MZT1: variants seen among roughly 807,000 people sequenced by gnomAD.
The protein encoded by MZT1 is mitotic-spindle organizing protein 1.
Under a neutral mutation model 8.5 loss-of-function variants are expected in MZT1, and 8 were observed. The ratio of observed to expected loss-of-function variants is 0.94; its 90% CI spans 0.55 to 1.70. MZT1 has a LOEUF of 1.70. Among genes scored for constraint, MZT1 ranks in the 40% most tolerant of loss-of-function variants. MZT1 has a pLI of 0.00. For synonymous variants in MZT1, 38 were observed against 42.0 expected, an observed-to-expected ratio of 0.90 and a Z score of 0.37; for missense variants, 93 against 108.6, an observed-to-expected ratio of 0.86 and a Z score of 0.64.
chr13:72,720,187 C>G (rs558472844), intron 1 of MZT1, among the ~76,000 whole-genome samples: 1 of 152,166 alleles, frequency 6.6e-6, no homozygotes, highest in Non-Finnish European at 1.5e-5. Flanking sequence ...ATTGAATGAC[C>G]TAAGTTTTCC....
At chr13:72,714,497 G>C (rs1442752405) in intron 2 of MZT1, among the ~76,000 whole-genome samples, 1 of 152,296 alleles carries the variant, frequency 6.6e-6, no homozygotes, top group Middle Eastern at 3.4e-3. Context: ...GGCAAGTGCT[G>C]ATAGCCAAGA....
intron 1 of MZT1, among the ~76,000 whole-genome samples, chr13:72,720,849 T>C (rs1157161622): frequency 2.0e-5 from 3 of 151,918 alleles, no homozygotes; most frequent in African/African-American, 7.3e-5. Context: ...GATTGCGCCA[T>C]TGCACTCCAG....
intron 1 of MZT1, among the ~76,000 whole-genome samples, chr13:72,720,845 G>A (rs9543100): frequency 0.1 from 15,798 of 152,066 alleles, 1,097 homozygotes; most frequent in Non-Finnish European, 0.16. Context: ...CCGAGATTGC[G>A]CCATTGCACT....
chr13:72,718,509 T>C (rs2032559747), intron 2 of MZT1, among the ~76,000 whole-genome samples: 1 of 151,618 alleles, frequency 6.6e-6, no homozygotes, highest in African/African-American at 2.4e-5. Flanking sequence ...GGAGTCTCAC[T>C]CTGTCACCCA....
intron 2 of MZT1, among the ~76,000 whole-genome samples, chr13:72,711,469 A>AT (rs1221493831): frequency 6.6e-6 from 1 of 152,178 alleles, no homozygotes; most frequent in East Asian, 1.9e-4. Flanking sequence ...TTCACAAAAA[A>AT]TAGTTACTGT....
chr13:72,724,750 A>ATGTGTGTG (rs199571360), intron 1 of MZT1, among the ~76,000 whole-genome samples: 1,369 of 36,802 alleles, frequency 0.037, 257 homozygotes, highest in Non-Finnish European at 0.061. Flanking sequence ...ACACATATAT[A>ATGTGTGTG]TATGTAAAGT....
chr13:72,712,359 G>C (rs911030358), intron 2 of MZT1, among the ~76,000 whole-genome samples: 1 of 152,196 alleles, frequency 6.6e-6, no homozygotes, highest in African/African-American at 2.4e-5. Flanking sequence ...TCACTATGTT[G>C]CCCAAGGCAG....
intron 2 of MZT1, among the ~76,000 whole-genome samples, chr13:72,717,349 T>C (rs1033267070): frequency 2.6e-5 from 4 of 151,500 alleles, no homozygotes; most frequent in South Asian, 2.1e-4. Context: ...TTTTTTTTTT[T>C]TTTTTTTTAG....
chr13:72,719,041 T>C lies in MZT1; in HGVS notation c.136A>G (p.Ile46Val), dbSNP rs553478389. The stretch of plus-strand genomic sequence containing the variant: ...CCTTGTTCACAAAGCCGTACACAAA[T>C]AGACAGAGTTTCCATATCTAAGCCA... Reference protein sequence around the residue: ...NTGLDMETLSICVRLCEQGIN... With the variant: ...NTGLDMETLSVCVRLCEQGIN... The change falls in exon 2 of 3, where the codon ATT becomes GTT. Residue 46 changes from isoleucine to valine, a missense_variant. Physicochemically the swap from Ile to Val is conservative, Grantham distance 29. Coordinates refer to ENST00000377818, the MANE Select transcript of MZT1 (RefSeq NM_001071775.3). 4.4e-6 allele frequency: 7 copies of C among 1,584,624 alleles called. No homozygotes were observed. The African/African-American group carries it at 6.9e-5, about 16-fold the overall frequency.
At chr13:72,724,934 C>A (rs1354607239) in intron 1 of MZT1, among the ~76,000 whole-genome samples, 1 of 148,570 alleles carries the variant, frequency 6.7e-6, no homozygotes. Context: ...CGCCTATAAT[C>A]CTAGTTACTC....
chr13:72,717,985 A>T (rs866727282), intron 2 of MZT1, among the ~76,000 whole-genome samples: 5 of 152,158 alleles, frequency 3.3e-5, no homozygotes, highest in African/African-American at 1.2e-4. Context: ...GCAACACCCC[A>T]CTTCCCAGTA....
chr13:72,710,643 C>T (rs2032480060), intron 2 of MZT1, among the ~76,000 whole-genome samples: 1 of 152,076 alleles, frequency 6.6e-6, no homozygotes, highest in Non-Finnish European at 1.5e-5. Flanking sequence ...AGACCTGTTG[C>T]CACAGACTTC....
intron 1 of MZT1, among the ~76,000 whole-genome samples, chr13:72,724,203 C>T (rs2032616844): frequency 6.6e-6 from 1 of 152,058 alleles, no homozygotes; most frequent in African/African-American, 2.4e-5. Context: ...AAAATAGGAA[C>T]ATAAAAAAAT....
At position 72,727,627 on chromosome 13, in the gene MZT1, A is replaced by G. The variant is rs1447406675; in HGVS notation, c.-25T>C. On this transcript the variant is annotated 5_prime_UTR_variant, in exon 1 of 3. Transcript: ENST00000377818. Reference sequence around the variant, plus strand: ...TGGCTAAGGCCGAGGGAGGCGGGAGAAGGGCCTGACCCGGAACTGGAGCGC... The same window carrying G: ...TGGCTAAGGCCGAGGGAGGCGGGAGGAGGGCCTGACCCGGAACTGGAGCGC... The G allele has an allele frequency of 4.5e-6, 7 of 1,567,316 alleles. No homozygotes were observed. Among genetic ancestry groups the G allele is most frequent in the African/African-American group, 1.4e-5 (1 of 73,864 alleles).
chr13:72,718,333 C>T (rs1355397718), intron 2 of MZT1, among the ~76,000 whole-genome samples: 1 of 152,204 alleles, frequency 6.6e-6, no homozygotes, highest in South Asian at 2.1e-4. Context: ...GGCATTATTT[C>T]TAAATAAGGT....
intron 1 of MZT1, among the ~76,000 whole-genome samples, chr13:72,726,023 G>C (rs1237422276): frequency 1.3e-5 from 2 of 152,050 alleles, no homozygotes; most frequent in Non-Finnish European, 2.9e-5. Flanking sequence ...AAAACAGCAA[G>C]GTAGATACTG....
At chr13:72,718,844 A>G (rs547764928) in intron 2 of MZT1, 108 bp downstream of exon 2, 4 of 1,057,074 alleles carry the variant, frequency 3.8e-6, no homozygotes, top group East Asian at 5.2e-5. Flanking sequence ...GTGGTGTTGC[A>G]TGTTAGTTTA....
At chr13:72,722,333 T>C (rs571511994) in intron 1 of MZT1, among the ~76,000 whole-genome samples, 25 of 152,340 alleles carry the variant, frequency 1.6e-4, no homozygotes, top group African/African-American at 5.8e-4. Flanking sequence ...ACACTTAGAA[T>C]GGTATCCATT....
At chr13:72,724,759 G>T (rs2032629388) in intron 1 of MZT1, among the ~76,000 whole-genome samples, 1 of 66,398 alleles carries the variant, frequency 1.5e-5, no homozygotes, top group Non-Finnish European at 3.5e-5. Flanking sequence ...TATATGTAAA[G>T]TGGTGCTACA....
Sources: allele counts gnomAD v4.1 joint callset (sites outside exome capture counted in the v4.1 genomes callset), GRCh38; gene constraint gnomAD v4.1.1; transcripts MANE v1.5; gene names NCBI Gene and HGNC (gene_info 2026-07-23, HGNC 2026-07-21).